The following CCDC91 variants were observed in gnomAD, a reference collection of about 807,000 sequenced individuals.
CCDC91 encodes coiled-coil domain-containing protein 91.
A neutral mutation model predicts 63.2 loss-of-function variants in CCDC91; 48 were observed. The ratio of observed to expected loss-of-function variants is 0.76; its 90% CI spans 0.60 to 0.97. The LOEUF is 0.97. Among genes scored for constraint, CCDC91 ranks in the 50% least tolerant of loss-of-function variants. CCDC91 has a pLI of 0.00. For synonymous variants in CCDC91, 167 were observed against 165.8 expected, an observed-to-expected ratio of 1.01 and a Z score of -0.06; for missense variants, 500 against 494.6, an observed-to-expected ratio of 1.01 and a Z score of -0.10.
chr12:28,222,964 C>T lies in CCDC91; in HGVS notation c.-15+32323C>T, dbSNP rs183824545. ...AAAATTGTTTCTTTTGTGAACTCAT[C>T]TATTTTTCCATTCTTCTTATTTCTT... is the stretch of plus-strand genomic sequence containing the variant. On this transcript the variant is annotated intron_variant, in intron 1 of 12. Transcript: ENST00000536442. Among the ~76,000 whole-genome samples the T allele has an allele frequency of 1.2e-3, 189 of 152,276 alleles. 1 individual carries two copies. Among genetic ancestry groups the T allele is most frequent in the African/African-American group, 4.5e-3 (185 of 41,560 alleles).
intron 8 of CCDC91, among the ~76,000 whole-genome samples, chr12:28,421,572 T>A (rs965054040): frequency 6.6e-6 from 1 of 152,000 alleles, no homozygotes; most frequent in African/African-American, 2.4e-5. Context: ...CTTTCTTTTT[T>A]ATGGCTGCAT....
chr12:28,477,558 A>T (rs1238064927), intron 11 of CCDC91, among the ~76,000 whole-genome samples: 1 of 152,178 alleles, frequency 6.6e-6, no homozygotes, highest in African/African-American at 2.4e-5. Flanking sequence ...AACTGGCACA[A>T]GACAGGGATG....
chr12:28,348,456 T>A (rs1942964404), intron 6 of CCDC91, among the ~76,000 whole-genome samples: 1 of 152,196 alleles, frequency 6.6e-6, no homozygotes, highest in African/African-American at 2.4e-5. Context: ...CAGGGATATC[T>A]GCTTGTTGAT....
At chr12:28,358,179 A>G (rs1943642979) in intron 6 of CCDC91, among the ~76,000 whole-genome samples, 1 of 152,208 alleles carries the variant, frequency 6.6e-6, no homozygotes, top group Admixed American at 6.5e-5. Flanking sequence ...AGAGAAATGT[A>G]CCCAAAAAAT....
intron 6 of CCDC91, among the ~76,000 whole-genome samples, chr12:28,340,763 T>A (rs1341924007): frequency 1.3e-5 from 2 of 152,154 alleles, no homozygotes; most frequent in Non-Finnish European, 2.9e-5. Context: ...GCAGTGGGTG[T>A]GTGTTATCAT....
At chr12:28,546,488 C>T (rs1942996714) in intron 12 of CCDC91, among the ~76,000 whole-genome samples, 1 of 151,930 alleles carries the variant, frequency 6.6e-6, no homozygotes, top group South Asian at 2.1e-4. Context: ...AAGACAGGTT[C>T]CTGCATATAT....
At chr12:28,313,268 T>C (rs1247321510) in intron 6 of CCDC91, among the ~76,000 whole-genome samples, 2 of 152,064 alleles carry the variant, frequency 1.3e-5, no homozygotes, top group Non-Finnish European at 2.9e-5. Context: ...ATTGCTAGAT[T>C]AAATTAGCTG....
chr12:28,547,287 A>C (rs1266668297), intron 12 of CCDC91, among the ~76,000 whole-genome samples: 2 of 152,138 alleles, frequency 1.3e-5, no homozygotes, highest in African/African-American at 2.4e-5. Flanking sequence ...TCTGTTTTAC[A>C]TATATTAAAA....
Position 28,450,369 on chromosome 12 carries a change from T to G in CCDC91, c.875T>G (p.Leu292Trp), listed in dbSNP as rs368498274. The G allele has an allele frequency of 9.3e-6, 15 of 1,612,086 alleles. No individual in the cohort carries two copies. The African/African-American group carries it at 1.9e-4, about 20-fold the overall frequency. Reference sequence around the variant, plus strand: ...TGACAGGAAATATTGGAAAAGTGTTTGGAGGAAGAAAGGCAAAGAAATAAA... The same window carrying G: ...TGACAGGAAATATTGGAAAAGTGTTGGGAGGAAGAAAGGCAAAGAAATAAA... ...QEQKEILEKC[L>W]EEERQRNKEA... Residue 292 changes from leucine (L) to tryptophan (W), a missense_variant, in exon 10 of 13, where the codon TTG becomes TGG. Leu to Trp is a moderately conservative substitution (Grantham distance 61). Transcript: ENST00000536442.
chr12:28,474,143 G>A (rs1450359693), intron 11 of CCDC91, among the ~76,000 whole-genome samples: 1 of 152,066 alleles, frequency 6.6e-6, no homozygotes, highest in Non-Finnish European at 1.5e-5. Flanking sequence ...CAGTCTCATT[G>A]CATAATAAAC....
At chr12:28,375,836 T>C (rs1944909833) in intron 7 of CCDC91, among the ~76,000 whole-genome samples, 1 of 151,956 alleles carries the variant, frequency 6.6e-6, no homozygotes. Flanking sequence ...TAATGTCTCA[T>C]CTTAATGTTC....
intron 12 of CCDC91, among the ~76,000 whole-genome samples, chr12:28,518,531 G>T (rs1305416567): frequency 4.0e-5 from 6 of 151,574 alleles, no homozygotes; most frequent in African/African-American, 1.5e-4. Context: ...TTTTTGAGTT[G>T]GTGGTACATT....
At chr12:28,499,972 G>A (rs1952540240) in intron 12 of CCDC91, among the ~76,000 whole-genome samples, 1 of 152,074 alleles carries the variant, frequency 6.6e-6, no homozygotes, top group Non-Finnish European at 1.5e-5. Context: ...CAGTGTAAAA[G>A]CGTTCCTGTT....
intron 11 of CCDC91, among the ~76,000 whole-genome samples, chr12:28,454,411 A>G (rs1949963988): frequency 6.6e-6 from 1 of 152,092 alleles, no homozygotes; most frequent in African/African-American, 2.4e-5. Context: ...TCTATAGTAC[A>G]TGGTGTTCCA....
intron 11 of CCDC91, 33 bp from the exon 12 acceptor site, chr12:28,484,019 C>A: frequency 7.4e-7 from 1 of 1,344,816 alleles, no homozygotes; most frequent in Non-Finnish European, 1.1e-6. Flanking sequence ...TAGTGCTCAC[C>A]TCCCTGACTG....
rs1347129986 is a variant in CCDC91, at chr12:28,198,500, T to A, written c.-15+7859T>A. Among the ~76,000 whole-genome samples the A allele has an allele frequency of 1.1e-4, 16 of 152,268 alleles. No homozygotes were observed. In the East Asian group the frequency reaches 3.1e-3, roughly 29 times the overall value. ...TTGCTTAGTTTGCCAAAATTGGGCATGAAAAACAAAATAAGCCTGTGAAAG... is the reference window on the plus strand; with the variant it reads ...TTGCTTAGTTTGCCAAAATTGGGCAAGAAAAACAAAATAAGCCTGTGAAAG... On this transcript the variant is annotated intron_variant, in intron 1 of 12. Coordinates refer to ENST00000536442, the MANE Select transcript of CCDC91 (RefSeq NM_018318.5).
chr12:28,289,690 T>TTC (rs1555175707), intron 3 of CCDC91, among the ~76,000 whole-genome samples: 1 of 84,570 alleles, frequency 1.2e-5, no homozygotes, highest in East Asian at 2.4e-4. Context: ...CTTTTCTTTT[T>TTC]TTTTTTTTTT....
At chr12:28,466,493 G>C (rs1401337099) in intron 11 of CCDC91, among the ~76,000 whole-genome samples, 1 of 152,092 alleles carries the variant, frequency 6.6e-6, no homozygotes, top group Non-Finnish European at 1.5e-5. Context: ...AACATATAAT[G>C]GAGCTCCAAT....
intron 8 of CCDC91, among the ~76,000 whole-genome samples, chr12:28,397,843 T>C (rs7967281): frequency 0.23 from 34,561 of 151,990 alleles, 4,472 homozygotes; most frequent in Non-Finnish European, 0.3. Context: ...TTGCCCTTAA[T>C]CTTTTATTAA....
Sources: allele counts gnomAD v4.1 joint callset (sites outside exome capture counted in the v4.1 genomes callset), GRCh38; gene constraint gnomAD v4.1.1; transcripts MANE v1.5; gene names NCBI Gene and HGNC (gene_info 2026-07-23, HGNC 2026-07-21).